The following DMD variants were observed in gnomAD, a reference collection of about 807,000 sequenced individuals.
DMD encodes mutant dystrophin.
A neutral mutation model predicts 330.1 loss-of-function variants in DMD; 63 were observed. That is an observed-to-expected ratio of 0.19 (90% CI 0.16 to 0.24). DMD has a LOEUF of 0.24. DMD is among the 10% of genes least tolerant of loss of function. The probability of loss-of-function intolerance (pLI) is 1.00; values close to 1 mark genes in which losing one functional copy is unlikely to be tolerated. For synonymous variants in DMD, 1,223 were observed against 959.8 expected, an observed-to-expected ratio of 1.27 and a Z score of -5.07; for missense variants, 3,344 against 2,684.1, an observed-to-expected ratio of 1.25 and a Z score of -5.43.
Position 31,169,543 on chromosome X carries a change from G to C in DMD, c.10453C>G (p.Leu3485Val). 1.7e-6 allele frequency: 2 copies of C among 1,203,815 alleles called. No homozygotes were observed. The highest frequency in any genetic ancestry group is 2.2e-6 in the Non-Finnish European group (2 of 889,529). Residue 3485 changes from leucine (L) to valine (V), a missense_variant, in exon 74 of 79, where the codon CTG (leucine) becomes GTG (valine). Coordinates refer to ENST00000357033, the MANE Select transcript of DMD (RefSeq NM_004006.3). ...YCQSLNQDSP[L>V]SQPRSPAQIL... ...TGGGCAGGACTACGAGGCTGGCTCA[G>C]GGGGGAGTCCTGGTTCAAACTTTGG...
intron 47 of DMD, among the ~76,000 whole-genome samples, chrX:31,891,227 T>C (rs1411157300): frequency 9.0e-6 from 1 of 111,307 alleles, no homozygotes; most frequent in Non-Finnish European, 1.9e-5. Flanking sequence ...TGTGTGACGG[T>C]ATGAGGAAAG....
intron 67 of DMD, among the ~76,000 whole-genome samples, chrX:31,188,267 G>A (rs1453479420): frequency 8.9e-6 from 1 of 111,801 alleles, no homozygotes; most frequent in African/African-American, 3.3e-5. Context: ...AATGAAGAAG[G>A]AAAGAATTAA....
intron 52 of DMD, among the ~76,000 whole-genome samples, chrX:31,692,999 G>A (rs184557394): frequency 1.4e-3 from 152 of 111,763 alleles, no homozygotes; most frequent in Middle Eastern, 4.6e-3. Context: ...CCAATATCAC[G>A]AATGAAATTA....
At chrX:32,463,061 T>G (rs1375241451) in intron 25 of DMD, among the ~76,000 whole-genome samples, 1 of 112,204 alleles carries the variant, frequency 8.9e-6, no homozygotes, top group Non-Finnish European at 1.9e-5. Context: ...TACACATATA[T>G]TAGCCATGCA....
rs754094856 is a variant in DMD at position 33,254,717 on chromosome X, A to T, written c.7+84542T>A. 7.2e-5 allele frequency among the ~76,000 whole-genome samples: 8 copies of T among 111,015 alleles called. No homozygotes were observed. In the East Asian group the frequency reaches 2.2e-3, roughly 31 times the overall value. On this transcript the variant is annotated intron_variant, in intron 1 of 17. Coordinates refer to the DMD transcript ENST00000288447. ...AATATATAAAATAATAAGAGTTATTAAAACTTGTTTAGAAAAACCCAAAAT... is the reference window on the plus strand; with the variant it reads ...AATATATAAAATAATAAGAGTTATTTAAACTTGTTTAGAAAAACCCAAAAT...
chrX:32,468,448 G>GA (rs763520803), intron 23 of DMD, 50 bp downstream of exon 23: 435 of 1,071,513 alleles, frequency 4.1e-4, no homozygotes, highest in Non-Finnish European at 5.3e-4. Flanking sequence ...TATCGTTAGG[G>GA]AAAAAACAAG....
intron 44 of DMD, among the ~76,000 whole-genome samples, chrX:32,214,224 T>TAA (rs200083093): frequency 6.5e-4 from 58 of 88,981 alleles, no homozygotes; most frequent in African/African-American, 2.4e-3. Flanking sequence ...CTGAAACACT[T>TAA]AAAAAAAAAA....
chrX:32,007,410 T>C (rs1226133108), intron 44 of DMD, among the ~76,000 whole-genome samples: 1 of 109,648 alleles, frequency 9.1e-6, no homozygotes, highest in Non-Finnish European at 1.9e-5. Context: ...AGAGGGATAA[T>C]TGACCTTGAT....
At chrX:32,527,420 T>C (rs1368124251) in intron 17 of DMD, among the ~76,000 whole-genome samples, 3 of 111,026 alleles carry the variant, frequency 2.7e-5, no homozygotes, top group Non-Finnish European at 5.6e-5. Context: ...TTCCTGACCC[T>C]AAATCCCCAA....
chrX:31,254,143 G>A (rs766557276), intron 63 of DMD, among the ~76,000 whole-genome samples: 1 of 112,028 alleles, frequency 8.9e-6, no homozygotes, highest in Non-Finnish European at 1.9e-5. Context: ...TTAATAAACT[G>A]CTTGAAATAA....
chrX:32,553,237 T>C (rs780168953), intron 16 of DMD, among the ~76,000 whole-genome samples: 28 of 111,709 alleles, frequency 2.5e-4, no homozygotes, highest in Non-Finnish European at 4.7e-4. Context: ...TATGCAGCCA[T>C]GAAAAAAGAG....
intron 47 of DMD, among the ~76,000 whole-genome samples, chrX:31,914,699 A>G (rs1603587615): frequency 8.9e-6 from 1 of 112,108 alleles, no homozygotes; most frequent in East Asian, 2.8e-4. Context: ...ACTCATGGAC[A>G]TAGAGAGTAG....
At chrX:32,534,421 C>G (rs2047761975) in intron 17 of DMD, among the ~76,000 whole-genome samples, 1 of 111,042 alleles carries the variant, frequency 9.0e-6, no homozygotes, top group Non-Finnish European at 1.9e-5. Flanking sequence ...TGTGTGCCAC[C>G]TCCCCCTGCA....
rs927985431 is a variant in DMD at position 32,494,867 on chromosome X, A to G, written c.2381-3349T>C. Among the ~76,000 whole-genome samples the G allele has an allele frequency of 6.3e-5, 7 of 111,420 alleles. No individual in the cohort carries two copies. In the East Asian group the frequency reaches 1.7e-3, roughly 27 times the overall value. On this transcript the variant is annotated intron_variant, in intron 19 of 78. Coordinates refer to ENST00000357033, the MANE Select transcript of DMD (RefSeq NM_004006.3). Reference sequence around the variant, plus strand: ...GGTGTATTTATACATTTTTTAAAGAAGTTTTATCAATAACCAGGGATCCTT... The same window carrying G: ...GGTGTATTTATACATTTTTTAAAGAGGTTTTATCAATAACCAGGGATCCTT...
At chrX:31,190,508 G>A (rs914647609) in intron 67 of DMD, among the ~76,000 whole-genome samples, 1 of 103,011 alleles carries the variant, frequency 9.7e-6, no homozygotes, top group East Asian at 3.1e-4. Context: ...TGCTGCCCTG[G>A]CTCTAGTTAG....
intron 2 of DMD, among the ~76,000 whole-genome samples, chrX:33,012,154 T>C (rs939406805): frequency 3.6e-5 from 4 of 111,749 alleles, no homozygotes; most frequent in Admixed American, 9.6e-5. Flanking sequence ...CCTATCACAA[T>C]CCATTTTTGT....
chrX:32,663,140 A>T (rs1436322714), intron 9 of DMD, among the ~76,000 whole-genome samples: 2 of 111,934 alleles, frequency 1.8e-5, no homozygotes, highest in Non-Finnish European at 1.9e-5. Context: ...TCTACTAGAA[A>T]GCTTGTTTGA....
intron 60 of DMD, among the ~76,000 whole-genome samples, chrX:31,369,191 T>A (rs1192115760): frequency 1.8e-5 from 2 of 112,680 alleles, no homozygotes; most frequent in Non-Finnish European, 3.7e-5. Context: ...GGCCGGGATT[T>A]AATCCAGAAT....
chrX:32,805,036 A>C (rs1281121481), intron 7 of DMD, among the ~76,000 whole-genome samples: 1 of 112,135 alleles, frequency 8.9e-6, no homozygotes, highest in Admixed American at 9.5e-5. Flanking sequence ...TGAAAATTCC[A>C]AAACCCAGAA....
Sources: allele counts gnomAD v4.1 joint callset (sites outside exome capture counted in the v4.1 genomes callset), GRCh38; gene constraint gnomAD v4.1.1; transcripts MANE v1.5; gene names NCBI Gene and HGNC (gene_info 2026-07-23, HGNC 2026-07-21).